Variants in PGP observed in about 807,000 individuals in gnomAD.
PGP encodes the protein aspartate-based ubiquitous Mg(2+)-dependent phosphatase.
Under a neutral mutation model 19.3 loss-of-function variants are expected in PGP, and 9 were observed. The observed-to-expected ratio is 0.47, with a 90% CI of 0.28 to 0.81. PGP has a LOEUF of 0.81. PGP is among the 40% of genes least tolerant of loss of function. PGP has a pLI of 0.11. For missense variants in PGP, 403 were observed against 479.9 expected (o/e 0.84, Z 1.50); for synonymous variants, 308 against 226.8 (o/e 1.36, Z -3.22).
In PGP at chr16:2,214,439, C is replaced by G. The variant is rs1040848697; in HGVS notation, c.339G>C (p.Leu113=). The change falls in exon 1 of 2, where the codon CTG becomes CTC. Residue 113 remains leucine, a synonymous_variant. Coordinates refer to ENST00000333503, the MANE Select transcript of PGP (RefSeq NM_001042371.3). The surrounding 1 kb of genome is among the most constrained non-coding windows in gnomAD (Gnocchi z 7.1). ...YCTALYLRQR[L]AGAPAPKAYV... The stretch of plus-strand genomic sequence containing the variant: ...AGGCCTTGGGCGCGGGGGCGCCGGC[C>G]AGGCGCTGGCGCAGGTAGAGCGCGG... The G allele has an allele frequency of 1.5e-6, 2 of 1,331,258 alleles. No individual in the cohort carries two copies. The highest frequency in any genetic ancestry group is 4.1e-5 in the Admixed American group (1 of 24,158). 82.5% of individuals were successfully genotyped at this position (1,331,258 alleles called of 1,614,324 possible).
chr16:2,211,763 C>G lies in PGP; in HGVS notation c.*1965G>C. ...GCTCCCTGCCCTGGGCGCTCTGACACGGCAGCCCACCAGCTTCACTCCAGG... is the reference window on the plus strand; with the variant it reads ...GCTCCCTGCCCTGGGCGCTCTGACAGGGCAGCCCACCAGCTTCACTCCAGG... On this transcript the variant is annotated 3_prime_UTR_variant, in exon 2 of 2. Transcript: ENST00000333503. The G allele has an allele frequency of 1.0e-6, 1 of 985,560 alleles. No individual in the cohort carries two copies. The highest frequency in any genetic ancestry group is 1.2e-6 in the Non-Finnish European group (1 of 830,016). 61.1% of individuals were successfully genotyped at this position (985,560 alleles called of 1,614,324 possible). A position where few individuals can be genotyped will look rare whatever the true frequency, so the allele number is the denominator to read the frequency against.
In PGP at chr16:2,213,074, G is replaced by T; in HGVS notation, c.*654C>A. The T allele has an allele frequency of 1.0e-6, 1 of 985,488 alleles. No individual in the cohort carries two copies. The highest frequency in any genetic ancestry group is 1.2e-6 in the Non-Finnish European group (1 of 829,944). The allele number at this position is 985,488 out of a possible 1,614,324, so 61.0% of individuals were successfully genotyped here. A position where few individuals can be genotyped will look rare whatever the true frequency, so the allele number is the denominator to read the frequency against. ...TAGCTGGGCTGCGTTTACAGAACTGGGCAGCAGCCCTGGGTATCTGAAACG... is the reference window on the plus strand; with the variant it reads ...TAGCTGGGCTGCGTTTACAGAACTGTGCAGCAGCCCTGGGTATCTGAAACG... On this transcript the variant is annotated 3_prime_UTR_variant, in exon 2 of 2. Coordinates refer to ENST00000333503, the MANE Select transcript of PGP (RefSeq NM_001042371.3).
Position 2,214,524 on chromosome 16 carries a change from C to A in PGP, c.254G>T (p.Gly85Val). The change falls in exon 1 of 2, where the codon GGC becomes GTC. Residue 85 changes from glycine (G) to valine (V), a missense_variant. Gly to Val is a moderately radical substitution (Grantham distance 109). Transcript: ENST00000333503. The surrounding 1 kb of genome is among the most constrained non-coding windows in gnomAD (Gnocchi z 7.1). ...GCCGGGCCCCGCGGGGCCGCCGAAGCCCAGGCGCCGCAGCTTCTCGGCGTA... is the reference window on the plus strand; with the variant it reads ...GCCGGGCCCCGCGGGGCCGCCGAAGACCAGGCGCCGCAGCTTCTCGGCGTA... ...AAYAEKLRRL[G>V]FGGPAGPGAS... 7 of 1,445,982 alleles carry A rather than the reference C, an allele frequency of 4.8e-6. No individual in the cohort carries two copies. Among genetic ancestry groups the A allele is most frequent in the Non-Finnish European group, 6.4e-6 (7 of 1,102,042 alleles). The allele number at this position is 1,445,982 out of a possible 1,614,324, so 89.6% of individuals were successfully genotyped here.
At position 2,214,825 on chromosome 16, in the gene PGP, C is replaced by T; in HGVS notation, c.-48G>A. On this transcript the variant is annotated 5_prime_UTR_variant, in exon 1 of 2. Transcript: ENST00000333503. This position sits in a 1 kb window ranked among gnomAD's most constrained non-coding sequence, Gnocchi z 7.1. ...CCCGCCGGCCGCTCCTCGCAGCCGC[C>T]CGCCGCGGCGCCCTCCCCGCCCCCG... 1.5e-6 allele frequency: 1 copy of T among 689,252 alleles called. No individual in the cohort carries two copies. Among genetic ancestry groups the T allele is most frequent in the Non-Finnish European group, 1.8e-6 (1 of 560,906 alleles). 42.7% of individuals were successfully genotyped at this position (689,252 alleles called of 1,614,324 possible). A position where few individuals can be genotyped will look rare whatever the true frequency, so the allele number is the denominator to read the frequency against.
rs777833180 is a variant in PGP, at chr16:2,212,061, CA to C, written c.*1666del. ...GCTGCAGCCCCTCATGGGCCAGAGA[CA>C]GGATGCACGGGGACTCCCAGCCCCT... is the stretch of plus-strand genomic sequence containing the variant. On this transcript the variant is annotated 3_prime_UTR_variant, in exon 2 of 2. Transcript: ENST00000333503. 165 of 985,514 alleles carry C rather than the reference CA, an allele frequency of 1.7e-4. No individual in the cohort carries two copies. The highest frequency in any genetic ancestry group is 1.9e-4 in the Non-Finnish European group (155 of 829,940). 61.0% of individuals were successfully genotyped at this position (985,514 alleles called of 1,614,324 possible).
At position 2,214,220 on chromosome 16, in the gene PGP, G is replaced by T; in HGVS notation, c.558C>A (p.Arg186=). The stretch of plus-strand genomic sequence containing the variant: ...GCAGGCAGCCGGGCTGCTGCAGGTA[G>T]CGCAGGGCCTTGGTGAGCTTCATGT... ...FSYMKLTKAL[R]YLQQPGCLLV... The change falls in exon 1 of 2, where the codon CGC becomes CGA. Residue 186 remains arginine (R), a synonymous_variant. Coordinates refer to ENST00000333503, the MANE Select transcript of PGP (RefSeq NM_001042371.3). The surrounding 1 kb of genome is among the most constrained non-coding windows in gnomAD (Gnocchi z 7.1). The T allele has an allele frequency of 6.3e-7, 1 of 1,595,384 alleles. No homozygotes were observed. The highest frequency in any genetic ancestry group is 8.5e-7 in the Non-Finnish European group (1 of 1,178,866).
In PGP at chr16:2,212,458, G is replaced by A. The variant is rs1414679350; in HGVS notation, c.*1270C>T. ...CTGCTGTCAGGCCTGTGAAAGGTCA[G>A]CAGAGCCAAGGAGCAGGCAGGAGAG... On this transcript the variant is annotated 3_prime_UTR_variant, in exon 2 of 2. Transcript: ENST00000333503. 2 of 985,578 alleles carry A rather than the reference G, an allele frequency of 2.0e-6. No homozygotes were observed. The highest frequency in any genetic ancestry group is 3.5e-5 in the African/African-American group (2 of 57,248). The allele number at this position is 985,578 out of a possible 1,614,324, so 61.1% of individuals were successfully genotyped here. A position where few individuals can be genotyped will look rare whatever the true frequency, so the allele number is the denominator to read the frequency against.
Position 2,212,792 on chromosome 16 carries a change from T to G in PGP, c.*936A>C, listed in dbSNP as rs1311477448. On this transcript the variant is annotated 3_prime_UTR_variant, in exon 2 of 2. Coordinates refer to ENST00000333503, the MANE Select transcript of PGP (RefSeq NM_001042371.3). ...TGACAGGCATTCCTTGGCCAACACA[T>G]GCTTCAGCCGCGCTGCCGGCTGCAG... 2.0e-6 allele frequency: 2 copies of G among 985,386 alleles called. No individual in the cohort carries two copies. Among genetic ancestry groups the G allele is most frequent in the Non-Finnish European group, 2.4e-6 (2 of 829,956 alleles). The allele number at this position is 985,386 out of a possible 1,614,324, so 61.0% of individuals were successfully genotyped here. A position where few individuals can be genotyped will look rare whatever the true frequency, so the allele number is the denominator to read the frequency against.
chr16:2,213,464 G>A lies in PGP; in HGVS notation c.*264C>T. 1 of 768,842 alleles carries A rather than the reference G, an allele frequency of 1.3e-6. No individual in the cohort carries two copies. The highest frequency in any genetic ancestry group is 1.7e-6 in the Non-Finnish European group (1 of 577,432). 47.6% of individuals were successfully genotyped at this position (768,842 alleles called of 1,614,324 possible). ...TGAATCCCGGACAGGTGCAGAGCCT[G>A]CCCCTGCCAACCCCACCCAAGGCCC... On this transcript the variant is annotated 3_prime_UTR_variant, in exon 2 of 2. Transcript: ENST00000333503.
chr16:2,211,956 C>CG lies in PGP; in HGVS notation c.*1771dup. 2 of 985,566 alleles carry CG rather than the reference C, an allele frequency of 2.0e-6. No homozygotes were observed. Among genetic ancestry groups the CG allele is most frequent in the Non-Finnish European group, 2.4e-6 (2 of 829,986 alleles). 61.1% of individuals were successfully genotyped at this position (985,566 alleles called of 1,614,324 possible). On this transcript the variant is annotated 3_prime_UTR_variant, in exon 2 of 2. Transcript: ENST00000333503. ...CCACCCGTGGTGAGACGGCATCACC[C>CG]GGGCCAATGCAAGGTGAGAGCAAGG...
In PGP at chr16:2,213,345, C is replaced by G. The variant is rs1196301464; in HGVS notation, c.*383G>C. ...GTCAGAATAATCAGTCCCTCTGCCC[C>G]CTGAGGGGCTGGATCCCTGAATGAG... On this transcript the variant is annotated 3_prime_UTR_variant, in exon 2 of 2. Coordinates refer to ENST00000333503, the MANE Select transcript of PGP (RefSeq NM_001042371.3). 1 of 993,548 alleles carries G rather than the reference C, an allele frequency of 1.0e-6. No individual in the cohort carries two copies. The highest frequency in any genetic ancestry group is 1.7e-5 in the African/African-American group (1 of 57,518). 61.5% of individuals were successfully genotyped at this position (993,548 alleles called of 1,614,324 possible). A position where few individuals can be genotyped will look rare whatever the true frequency, so the allele number is the denominator to read the frequency against.
Position 2,214,298 on chromosome 16 carries a change from C to T in PGP, c.480G>A (p.Pro160=). 6.4e-7 allele frequency: 1 copy of T among 1,558,380 alleles called. No homozygotes were observed. The highest frequency in any genetic ancestry group is 2.4e-5 in the East Asian group (1 of 42,168). ...GEGPGDWLHA[P]LEPDVRAVVV... ...CCACCGCGCGCACGTCGGGCTCCAG[C>T]GGCGCGTGCAGCCAGTCGCCGGGAC... The change falls in exon 1 of 2, where the codon CCG becomes CCA. Residue 160 remains proline, a synonymous_variant. Transcript: ENST00000333503. This position sits in a 1 kb window ranked among gnomAD's most constrained non-coding sequence, Gnocchi z 7.1.
Position 2,213,733 on chromosome 16 carries a change from C to T in PGP, c.961G>A (p.Gly321Ser), listed in dbSNP as rs773802845. 3.9e-6 allele frequency: 6 copies of T among 1,527,978 alleles called. No individual in the cohort carries two copies. In the African/African-American group the frequency reaches 4.2e-5, roughly 11 times the overall value. 94.7% of individuals were successfully genotyped at this position (1,527,978 alleles called of 1,614,324 possible). A position where few individuals can be genotyped will look rare whatever the true frequency, so the allele number is the denominator to read the frequency against. ...SIADLLPALQG is the reference protein window; with the variant it reads ...SIADLLPALQS ...AGATTAAAGACACTCAATCTTTAAC[C>T]TTGAAGGGCAGGCAAAAGGTCGGCT... Residue 321 changes from glycine to serine, a missense_variant, in exon 2 of 2, where the codon GGT becomes AGT. By Grantham distance (56) the Gly-to-Ser change is moderately conservative. Transcript: ENST00000333503.
In PGP at chr16:2,213,651, T is replaced by A; in HGVS notation, c.*77A>T. 1 of 1,376,012 alleles carries A rather than the reference T, an allele frequency of 7.3e-7. No individual in the cohort carries two copies. Among genetic ancestry groups the A allele is most frequent in the Non-Finnish European group, 9.7e-7 (1 of 1,030,708 alleles). The allele number at this position is 1,376,012 out of a possible 1,614,324, so 85.2% of individuals were successfully genotyped here. A position where few individuals can be genotyped will look rare whatever the true frequency, so the allele number is the denominator to read the frequency against. ...GAAGCCACTTAGCCGAGCAGATGCT[T>A]AAGCCCCACCTATTAATTTGGGTAA... On this transcript the variant is annotated 3_prime_UTR_variant, in exon 2 of 2. Transcript: ENST00000333503.
In PGP at chr16:2,214,790, G is replaced by GCCGCCGCCGC. The variant is rs1555474467; in HGVS notation, c.-23_-14dup. ...CCGCCGCCGCCATCGCCGCCCGCCGGCCGCCGCCGCCCGCCGGCCGCTCCT... is the reference window on the plus strand; with the variant it reads ...CCGCCGCCGCCATCGCCGCCCGCCGGCCGCCGCCGCCCGCCGCCGCCCGCCGGCCGCTCCT... On this transcript the variant is annotated 5_prime_UTR_variant, in exon 1 of 2. Transcript: ENST00000333503. This position sits in a 1 kb window ranked among gnomAD's most constrained non-coding sequence, Gnocchi z 7.1. 16 of 914,436 alleles carry GCCGCCGCCGC rather than the reference G, an allele frequency of 1.7e-5. No homozygotes were observed. The highest frequency in any genetic ancestry group is 9.7e-5 in the South Asian group (2 of 20,704). The allele number at this position is 914,436 out of a possible 1,614,324, so 56.6% of individuals were successfully genotyped here.
chr16:2,213,805 A>G lies in PGP; in HGVS notation c.889T>C (p.Cys297Arg), dbSNP rs1567287954. The change falls in exon 2 of 2, where the codon TGC becomes CGC. Residue 297 changes from cysteine (C) to arginine (R), a missense_variant. Transcript: ENST00000333503. ...GGGACCATTTTCTTCTTAGACACGC[A>G]GTCACTTTCCTGATTATTCTTCACA... ...GDVKNNQESDCVSKKKMVPDF... is the reference protein window; with the variant it reads ...GDVKNNQESDRVSKKKMVPDF... The G allele has an allele frequency of 1.2e-6, 2 of 1,603,036 alleles. No homozygotes were observed. Among genetic ancestry groups the G allele is most frequent in the East Asian group, 2.2e-5 (1 of 44,536 alleles).
rs753280948 is a variant in PGP, at chr16:2,213,691, CT to C, written c.*36del. On this transcript the variant is annotated 3_prime_UTR_variant, in exon 2 of 2. Transcript: ENST00000333503. ...AATTTGGGTAACTGGTTTTCAATTTCTTTTTTTTTATTCTGCAGATTAAAGA... is the reference window on the plus strand; with the variant it reads ...AATTTGGGTAACTGGTTTTCAATTTCTTTTTTTTATTCTGCAGATTAAAGA... The C allele has an allele frequency of 2.2e-4, 322 of 1,463,018 alleles. No individual in the cohort carries two copies. Among genetic ancestry groups the C allele is most frequent in the South Asian group, 5.2e-4 (36 of 69,040 alleles). 90.6% of individuals were successfully genotyped at this position (1,463,018 alleles called of 1,614,324 possible).
In PGP at chr16:2,214,088, G is replaced by C. The variant is rs1373672982; in HGVS notation, c.641-35C>G. The stretch of plus-strand genomic sequence containing the variant: ...ACAGGGGACCGGGTCAAAGGGCAGG[G>C]AGGGGGCCCGCCGCCCGCCCCCCAG... On this transcript the variant is annotated intron_variant, in intron 1 of 1. Transcript: ENST00000333503. This position sits in a 1 kb window ranked among gnomAD's most constrained non-coding sequence, Gnocchi z 7.1. 6.3e-7 allele frequency: 1 copy of C among 1,581,848 alleles called. No homozygotes were observed. The highest frequency in any genetic ancestry group is 2.3e-5 in the East Asian group (1 of 44,058).
In PGP at chr16:2,213,715, A is replaced by T; in HGVS notation, c.*13T>A. 6.6e-7 allele frequency: 1 copy of T among 1,505,772 alleles called. No individual in the cohort carries two copies. Among genetic ancestry groups the T allele is most frequent in the Non-Finnish European group, 8.9e-7 (1 of 1,126,696 alleles). 93.3% of individuals were successfully genotyped at this position (1,505,772 alleles called of 1,614,324 possible). A position where few individuals can be genotyped will look rare whatever the true frequency, so the allele number is the denominator to read the frequency against. ...TCTTTTTTTTTATTCTGCAGATTAA[A>T]GACACTCAATCTTTAACCTTGAAGG... is the stretch of plus-strand genomic sequence containing the variant. On this transcript the variant is annotated 3_prime_UTR_variant, in exon 2 of 2. Transcript: ENST00000333503.
Sources: allele counts gnomAD v4.1 joint callset, GRCh38; gene constraint gnomAD v4.1.1; non-coding constraint Gnocchi (gnomAD v3.1); transcripts MANE v1.5; gene names NCBI Gene and HGNC (gene_info 2026-07-23, HGNC 2026-07-21).